MSI2: variants seen among roughly 807,000 people sequenced by gnomAD.
The protein encoded by MSI2 is musashi RNA binding protein 2.
MSI2 carries 17 observed loss-of-function variants against 45.6 expected under a neutral mutation model. The ratio of observed to expected loss-of-function variants is 0.37; its 90% CI spans 0.26 to 0.56. The LOEUF (loss-of-function observed/expected upper bound fraction) is 0.56, where lower values mean the gene tolerates loss of function less well. MSI2 is among the 20% of genes least tolerant of loss of function. The probability of loss-of-function intolerance (pLI) is 0.77; values close to 1 mark genes in which losing one functional copy is unlikely to be tolerated. For missense variants in MSI2, 293 were observed against 444.2 expected (o/e 0.66, Z 3.06); for synonymous variants, 156 against 158.2 (o/e 0.99, Z 0.11).
intron 5 of MSI2, among the ~76,000 whole-genome samples, chr17:57,358,729 TAAAAG>T (rs1916618234): frequency 6.6e-6 from 1 of 152,094 alleles, no homozygotes; most frequent in Non-Finnish European, 1.5e-5. Flanking sequence ...TTAGGACAAA[TAAAAG>T]AAGTGCTGAT....
Position 57,499,583 on chromosome 17 carries a change from T to C in MSI2, c.406-30093T>C, listed in dbSNP as rs114491483. ...ATATATGTGGTGTTCCGGTTATCTA[T>C]TGATGCATAACAAATCACCCAAAAA... On this transcript the variant is annotated intron_variant, in intron 6 of 13. Coordinates refer to ENST00000284073, the MANE Select transcript of MSI2 (RefSeq NM_138962.4). 2.0e-5 allele frequency among the ~76,000 whole-genome samples: 3 copies of C among 152,310 alleles called. No homozygotes were observed. In the East Asian group the frequency reaches 5.8e-4, roughly 29 times the overall value.
At chr17:57,268,846 C>G (rs1032972696) in intron 5 of MSI2, among the ~76,000 whole-genome samples, 1 of 152,062 alleles carries the variant, frequency 6.6e-6, no homozygotes, top group Non-Finnish European at 1.5e-5. Context: ...AACAAACAAA[C>G]AAACAAACAA....
intron 6 of MSI2, among the ~76,000 whole-genome samples, chr17:57,528,348 A>G (rs1255558944): frequency 1.3e-5 from 2 of 152,152 alleles, no homozygotes; most frequent in African/African-American, 4.8e-5. Flanking sequence ...CTTGAGCTCT[A>G]CGTGGGAGTT....
chr17:57,446,181 G>T (rs1257515160), intron 6 of MSI2, among the ~76,000 whole-genome samples: 1 of 152,162 alleles, frequency 6.6e-6, no homozygotes, highest in Admixed American at 6.5e-5. Context: ...GTCGATTTAG[G>T]CATAGCCTTC....
At chr17:57,501,147 G>A (rs1024537514) in intron 6 of MSI2, among the ~76,000 whole-genome samples, 2 of 152,052 alleles carry the variant, frequency 1.3e-5, no homozygotes, top group African/African-American at 4.8e-5. Flanking sequence ...ACCCAAGATC[G>A]CCGTGTGGTT....
chr17:57,699,038 AGAGAGAGTGT>A, the MSI2 span, among the ~76,000 whole-genome samples: 5 of 44,676 alleles, frequency 1.1e-4, no homozygotes, highest in South Asian at 2.1e-3. Context: ...AGAGAGAGAG[AGAGAGAGTGT>A]GTGTGTGTGT....
chr17:57,485,950 CA>C (rs2085745235), intron 6 of MSI2, among the ~76,000 whole-genome samples: 1 of 152,194 alleles, frequency 6.6e-6, no homozygotes, highest in Admixed American at 6.5e-5. Flanking sequence ...CACACCACAC[CA>C]ATGCAATAGA....
chr17:57,406,096 C>T (rs1456990219), intron 6 of MSI2, among the ~76,000 whole-genome samples: 5 of 152,274 alleles, frequency 3.3e-5, no homozygotes, highest in Middle Eastern at 3.4e-3. Flanking sequence ...TTGTCAAAAA[C>T]GTTGATATAC....
chr17:57,408,825 C>T (rs1440589293), intron 6 of MSI2, among the ~76,000 whole-genome samples: 1 of 152,188 alleles, frequency 6.6e-6, no homozygotes, highest in African/African-American at 2.4e-5. Context: ...TTCATTTAGA[C>T]TTGGCATTGA....
At chr17:57,477,005 G>A (rs1300847479) in intron 6 of MSI2, among the ~76,000 whole-genome samples, 1 of 152,078 alleles carries the variant, frequency 6.6e-6, no homozygotes, top group East Asian at 1.9e-4. Flanking sequence ...CTCATGCTTA[G>A]CAAGTCTTTG....
chr17:57,683,435 A>G lies in MSI2; in HGVS notation c.*3918A>G, dbSNP rs59446610. On this transcript the variant is annotated 3_prime_UTR_variant, in exon 14 of 14. Coordinates refer to ENST00000284073, the MANE Select transcript of MSI2 (RefSeq NM_138962.4). This position sits in a 1 kb window ranked among gnomAD's most constrained non-coding sequence, Gnocchi z 5.2. ...TTGATCTTTAGTGCAAACGAGGGCT[A>G]GGGACTTAGCCTCCTCCACCACCTC... 1,904 of 229,064 alleles carry G rather than the reference A, an allele frequency of 8.3e-3. 27 individuals carry two copies. Among genetic ancestry groups the G allele is most frequent in the African/African-American group, 0.037 (1,685 of 45,180 alleles). The allele number at this position is 229,064 out of a possible 1,614,324, so 14.2% of individuals were successfully genotyped here. A position where few individuals can be genotyped will look rare whatever the true frequency, so the allele number is the denominator to read the frequency against.
At chr17:57,647,582 G>T (rs937307633) in intron 10 of MSI2, among the ~76,000 whole-genome samples, 2 of 152,104 alleles carry the variant, frequency 1.3e-5, no homozygotes, top group Admixed American at 1.3e-4. Context: ...TGAAGACAGG[G>T]CTGATGCCTG....
intron 6 of MSI2, among the ~76,000 whole-genome samples, chr17:57,458,481 C>A (rs1336216393): frequency 6.6e-6 from 1 of 152,178 alleles, no homozygotes; most frequent in African/African-American, 2.4e-5. Flanking sequence ...TGTTACCATG[C>A]TTTAGTCAGA....
chr17:57,472,426 G>A (rs1003163542), intron 6 of MSI2, among the ~76,000 whole-genome samples: 11 of 152,044 alleles, frequency 7.2e-5, no homozygotes, highest in South Asian at 4.2e-4. Context: ...TGACTGGGGG[G>A]TCCCAGAAGA....
rs28606615 is a variant in MSI2, at chr17:57,431,227, G to A, written c.405+29756G>A. On this transcript the variant is annotated intron_variant, in intron 6 of 13. Transcript: ENST00000284073. ...CCAGGCAGGCTGCACTCTAGGCATC[G>A]GCCCTCTCTCCTCCCCTGATGCTCA... is the stretch of plus-strand genomic sequence containing the variant. 4.0e-3 allele frequency among the ~76,000 whole-genome samples: 603 copies of A among 152,250 alleles called. 4 individuals are homozygous for A. Among genetic ancestry groups the A allele is most frequent in the African/African-American group, 0.013 (549 of 41,540 alleles).
At chr17:57,579,443 G>A (rs1283967461) in intron 7 of MSI2, among the ~76,000 whole-genome samples, 1 of 152,204 alleles carries the variant, frequency 6.6e-6, no homozygotes, top group East Asian at 1.9e-4. Context: ...TGGCCTCAAG[G>A]TGTGCCCTGT....
At chr17:57,334,828 C>T (rs1022417294) in intron 5 of MSI2, among the ~76,000 whole-genome samples, 13 of 151,632 alleles carry the variant, frequency 8.6e-5, no homozygotes, top group Non-Finnish European at 1.5e-4. Flanking sequence ...TAAAAAAATA[C>T]GTCCTCCAAT....
At chr17:57,258,386 C>T (rs1369706433) in intron 4 of MSI2, 32 bp downstream of exon 4, 3 of 1,567,886 alleles carry the variant, frequency 1.9e-6, no homozygotes, top group Non-Finnish European at 2.6e-6. Context: ...TTGTTCGCCC[C>T]TTTTCAGGAA....
At chr17:57,324,394 G>C (rs984681546) in intron 5 of MSI2, among the ~76,000 whole-genome samples, 1 of 151,300 alleles carries the variant, frequency 6.6e-6, no homozygotes, top group East Asian at 2.0e-4. Context: ...TATACTCCCC[G>C]GTCAGTCACA....
Sources: allele counts gnomAD v4.1 joint callset (sites outside exome capture counted in the v4.1 genomes callset), GRCh38; gene constraint gnomAD v4.1.1; non-coding constraint Gnocchi (gnomAD v3.1); transcripts MANE v1.5; gene names NCBI Gene and HGNC (gene_info 2026-07-23, HGNC 2026-07-21).